The following RERE variants were observed in gnomAD, a reference collection of about 807,000 sequenced individuals.
The protein encoded by RERE is arginine-glutamic acid dipeptide repeats, also known as arginine-glutamic acid dipeptide repeats protein.
A neutral mutation model predicts 146.1 loss-of-function variants in RERE; 40 were observed. The observed-to-expected ratio is 0.27, with a 90% confidence interval of 0.21 to 0.36. The LOEUF is 0.36. Ranked by LOEUF, RERE falls within the 10% of genes least tolerant of loss-of-function variation. The pLI is 1.00. For synonymous variants in RERE, 1,003 were observed against 866.0 expected (o/e 1.16, Z -2.78); for missense variants, 1,933 against 2,138.7 (o/e 0.90, Z 1.90).
chr1:8,747,571 TATTTAA>T (rs1409430731), intron 1 of RERE, among the ~76,000 whole-genome samples: 1 of 152,166 alleles, frequency 6.6e-6, no homozygotes, highest in Non-Finnish European at 1.5e-5. Flanking sequence ...GTATCTACTA[TATTTAA>T]GACACTCTAA....
At chr1:8,724,887 A>C (rs530379518) in intron 1 of RERE, among the ~76,000 whole-genome samples, 6 of 150,978 alleles carry the variant, frequency 4.0e-5, no homozygotes, top group African/African-American at 1.5e-4. Context: ...AAAAAAAAAA[A>C]AAACAACTCA....
intron 1 of RERE, among the ~76,000 whole-genome samples, chr1:8,743,553 AC>A (rs1356395222): frequency 6.6e-6 from 1 of 151,076 alleles, no homozygotes; most frequent in Non-Finnish European, 1.5e-5. Flanking sequence ...GAACCACCGC[AC>A]CCAGCCACAC....
At chr1:8,549,523 A>G (rs1285941819) in intron 6 of RERE, among the ~76,000 whole-genome samples, 1 of 152,236 alleles carries the variant, frequency 6.6e-6, no homozygotes, top group Non-Finnish European at 1.5e-5. Context: ...AAAAGAAAAA[A>G]AAATGAAAAA....
rs58647657 is a variant in RERE, at chr1:8,507,737, C to CT, written c.879+889dup. On this transcript the variant is annotated intron_variant, in intron 8 of 22. Coordinates refer to ENST00000400908, the MANE Select transcript of RERE (RefSeq NM_001042681.2). ...AAAAGAGGTTTTAAACATCTTTTAT[C>CT]TTTTTTTTTTTTTTTTTTTGAGACA... Among the ~76,000 whole-genome samples the CT allele has an allele frequency of 2.1e-3, 177 of 85,946 alleles. 7 individuals carry two copies. The highest frequency in any genetic ancestry group is 0.02 in the South Asian group (51 of 2,538). The allele number at this position is 85,946 out of a possible 152,430, so 56.4% of individuals were successfully genotyped here. A position where few individuals can be genotyped will look rare whatever the true frequency, so the allele number is the denominator to read the frequency against.
chr1:8,416,520 A>G (rs1557621159), intron 12 of RERE, among the ~76,000 whole-genome samples: 1 of 148,262 alleles, frequency 6.7e-6, no homozygotes, highest in Non-Finnish European at 1.5e-5. Context: ...TGGGAGGCGG[A>G]GCTTGCAGTG....
chr1:8,508,634 C>T lies in RERE; in HGVS notation c.872G>A (p.Ser291Asn). 1 of 1,612,838 alleles carries T rather than the reference C, an allele frequency of 6.2e-7. No homozygotes were observed. The highest frequency in any genetic ancestry group is 8.5e-7 in the Non-Finnish European group (1 of 1,178,864). The change falls in exon 8 of 23, where the codon AGT (serine) becomes AAT (asparagine). Residue 291 changes from serine to asparagine, a missense_variant. By Grantham distance (46) the Ser-to-Asn change is conservative (BLOSUM62 1). Transcript: ENST00000400908. ...TATGAAAATGAACTTCACCTGATGA[C>T]TAGGACCGACACGAATCTCCCCCTG... ...STQGEIRVGP[S>N]HQAKLPDLQP...
Position 8,374,646 on chromosome 1 carries a change from ACTT to A in RERE, c.1285-8675_1285-8673del, listed in dbSNP as rs1404456637. Among the ~76,000 whole-genome samples, 3 of 152,160 alleles carry A rather than the reference ACTT, an allele frequency of 2.0e-5. No homozygotes were observed. In the East Asian group the frequency reaches 5.8e-4, roughly 29 times the overall value. ...CCCAAAGCCCCGCTAGTACCTTGCC[ACTT>A]CTTCTCCAAACGGTCAAAGGTTCCT... On this transcript the variant is annotated intron_variant, in intron 12 of 22. Transcript: ENST00000400908.
intron 11 of RERE, among the ~76,000 whole-genome samples, chr1:8,443,846 G>T (rs1299630192): frequency 2.0e-5 from 3 of 152,216 alleles, no homozygotes; most frequent in African/African-American, 7.2e-5. Context: ...AAGTCTGCAG[G>T]TGTACAGAGT....
intron 11 of RERE, among the ~76,000 whole-genome samples, chr1:8,459,200 A>G (rs1466239136): frequency 1.3e-5 from 2 of 152,232 alleles, no homozygotes; most frequent in Non-Finnish European, 2.9e-5. Context: ...TTGGAACTTC[A>G]GGCAAATCTC....
chr1:8,501,225 CCCGG>C (rs1300214682), intron 8 of RERE, among the ~76,000 whole-genome samples: 5 of 122,970 alleles, frequency 4.1e-5, no homozygotes, highest in East Asian at 4.6e-4. Context: ...CAGCCCCCCG[CCCGG>C]CCGGCCGCCC....
chr1:8,448,924 T>C (rs1477906476), intron 11 of RERE, among the ~76,000 whole-genome samples: 1 of 150,428 alleles, frequency 6.6e-6, no homozygotes. Flanking sequence ...AACTGAAGAA[T>C]GACTGGACAC....
At chr1:8,706,795 A>C (rs1310131461) in intron 1 of RERE, among the ~76,000 whole-genome samples, 1 of 152,208 alleles carries the variant, frequency 6.6e-6, no homozygotes, top group Non-Finnish European at 1.5e-5. Context: ...TGTACTCCTC[A>C]AAGTGAAACA....
chr1:8,767,583 C>T (rs775421304), intron 1 of RERE, among the ~76,000 whole-genome samples: 1 of 145,378 alleles, frequency 6.9e-6, no homozygotes. Flanking sequence ...CCAACCTGGG[C>T]TGCAGAGTGA....
At chr1:8,398,501 A>C (rs1643134668) in intron 12 of RERE, among the ~76,000 whole-genome samples, 1 of 152,242 alleles carries the variant, frequency 6.6e-6, no homozygotes, top group Non-Finnish European at 1.5e-5. Flanking sequence ...TTCTATTAAC[A>C]ACGACCATCT....
chr1:8,499,594 T>C (rs774984583), intron 8 of RERE, among the ~76,000 whole-genome samples: 2 of 152,216 alleles, frequency 1.3e-5, no homozygotes, highest in Non-Finnish European at 2.9e-5. Flanking sequence ...GTATTCAAGT[T>C]TTTGAGGCAA....
intron 4 of RERE, among the ~76,000 whole-genome samples, chr1:8,578,110 CG>C (rs888652011): frequency 2.6e-5 from 4 of 151,560 alleles, no homozygotes; most frequent in Non-Finnish European, 4.4e-5. Context: ...AAAAAAAGGG[CG>C]GGGGGGAGAG....
intron 4 of RERE, among the ~76,000 whole-genome samples, chr1:8,578,580 A>G (rs890942068): frequency 4.6e-5 from 7 of 152,104 alleles, no homozygotes; most frequent in African/African-American, 7.2e-5. Flanking sequence ...TTCACTTCCA[A>G]TTACTGAATA....
chr1:8,721,209 C>T (rs1639857553), intron 1 of RERE, among the ~76,000 whole-genome samples: 3 of 152,218 alleles, frequency 2.0e-5, no homozygotes, highest in Admixed American at 1.3e-4. Flanking sequence ...CTTCCCCAAG[C>T]CCCTGAACGA....
chr1:8,805,465 AT>A (rs1311636676), intron 1 of RERE, among the ~76,000 whole-genome samples: 52 of 152,040 alleles, frequency 3.4e-4, no homozygotes, highest in Non-Finnish European at 1.3e-4. Flanking sequence ...CCTGGTCAAC[AT>A]GGTGAAACCT....
Sources: allele counts gnomAD v4.1 joint callset (sites outside exome capture counted in the v4.1 genomes callset), GRCh38; gene constraint gnomAD v4.1.1; transcripts MANE v1.5; gene names NCBI Gene and HGNC (gene_info 2026-07-23, HGNC 2026-07-21).